Variants in MBD2 observed in about 807,000 individuals in gnomAD.
MBD2 encodes the protein methyl-CpG-binding domain protein 2.
A neutral mutation model predicts 39.3 loss-of-function variants in MBD2; 9 were observed. That is an observed-to-expected ratio of 0.23 (90% CI 0.14 to 0.40). MBD2 has a LOEUF of 0.40. Among genes scored for constraint, MBD2 ranks in the 10% least tolerant of loss-of-function variants. The pLI is 1.00. For synonymous variants in MBD2, 233 were observed against 211.1 expected (o/e 1.10, Z -0.90); for missense variants, 458 against 532.6 (o/e 0.86, Z 1.38).
At position 54,224,636 on chromosome 18, in the gene MBD2, A is replaced by T; in HGVS notation, c.-77T>A. 9.4e-7 allele frequency: 1 copy of T among 1,067,112 alleles called. No individual in the cohort carries two copies. Among genetic ancestry groups the T allele is most frequent in the Non-Finnish European group, 1.2e-6 (1 of 838,778 alleles). 66.1% of individuals were successfully genotyped at this position (1,067,112 alleles called of 1,614,324 possible). ...AATCCCGGAGACCCGCCCCGCCCGC[A>T]GCGCGGCGCGCGGGGGACGCGCGCA... On this transcript the variant is annotated 5_prime_UTR_variant, in exon 1 of 7. Coordinates refer to ENST00000256429, the MANE Select transcript of MBD2 (RefSeq NM_003927.5).
At chr18:54,166,906 C>T (rs1471477651) in intron 3 of MBD2, among the ~76,000 whole-genome samples, 1 of 152,134 alleles carries the variant, frequency 6.6e-6, no homozygotes, top group South Asian at 2.1e-4. Flanking sequence ...ATTTTATATC[C>T]TTTTCATATT....
chr18:54,177,073 C>A (rs987919209), intron 3 of MBD2, among the ~76,000 whole-genome samples: 4 of 152,144 alleles, frequency 2.6e-5, no homozygotes, highest in Admixed American at 6.5e-5. Context: ...CTAAGATGAC[C>A]ATGGAATAAG....
At position 54,219,933 on chromosome 18, in the gene MBD2, T is replaced by G. The variant is rs1015257879; in HGVS notation, c.542+4085A>C. Among the ~76,000 whole-genome samples the G allele has an allele frequency of 2.0e-5, 3 of 152,228 alleles. No homozygotes were observed. The South Asian group carries it at 6.2e-4, about 32-fold the overall frequency. On this transcript the variant is annotated intron_variant, in intron 1 of 6. Coordinates refer to ENST00000256429, the MANE Select transcript of MBD2 (RefSeq NM_003927.5). ...CTCCTGCCTCAGCCTCCCGAGTAGC[T>G]GGGACTACAGGCATCTGCCACCATG...
At chr18:54,189,284 C>A (rs546688206) in intron 2 of MBD2, among the ~76,000 whole-genome samples, 2 of 144,372 alleles carry the variant, frequency 1.4e-5, no homozygotes, top group African/African-American at 5.1e-5. Context: ...AGTGCAGTGG[C>A]GCGATCTAGG....
intron 6 of MBD2, among the ~76,000 whole-genome samples, chr18:54,157,195 A>G (rs2086058368): frequency 6.6e-6 from 1 of 152,182 alleles, no homozygotes; most frequent in Admixed American, 6.5e-5. Flanking sequence ...AAGTATCAAC[A>G]CAGCATCTTC....
intron 1 of MBD2, among the ~76,000 whole-genome samples, chr18:54,211,392 C>CAT (rs1158376004): frequency 2.0e-5 from 3 of 147,416 alleles, no homozygotes; most frequent in South Asian, 2.1e-4. Flanking sequence ...TTGCTATACA[C>CAT]ACACACACAC....
intron 2 of MBD2, among the ~76,000 whole-genome samples, chr18:54,200,876 G>A (rs973716220): frequency 2.6e-5 from 4 of 151,970 alleles, no homozygotes; most frequent in Admixed American, 1.3e-4. Flanking sequence ...TCAGGAGATC[G>A]AGACCATCCT....
intron 2 of MBD2, among the ~76,000 whole-genome samples, chr18:54,200,079 GATCA>G (rs1389361487): frequency 2.0e-5 from 3 of 152,246 alleles, no homozygotes; most frequent in South Asian, 2.1e-4. Context: ...CTTAAACCAA[GATCA>G]TTCATGAGAA....
chr18:54,167,589 G>A (rs1420125258), intron 3 of MBD2, among the ~76,000 whole-genome samples: 1 of 152,214 alleles, frequency 6.6e-6, no homozygotes, highest in East Asian at 1.9e-4. Context: ...TATATGTGAA[G>A]TATCAGATAA....
intron 2 of MBD2, among the ~76,000 whole-genome samples, chr18:54,196,561 A>G (rs992074411): frequency 2.6e-5 from 4 of 152,190 alleles, no homozygotes; most frequent in Admixed American, 2.0e-4. Flanking sequence ...GAACTATGGA[A>G]ATAGTGACAC....
chr18:54,170,475 G>A (rs796699856), intron 3 of MBD2, among the ~76,000 whole-genome samples: 6 of 152,136 alleles, frequency 3.9e-5, no homozygotes, highest in African/African-American at 1.2e-4. Flanking sequence ...TCTGGGAACC[G>A]AGGCTGATAA....
intron 2 of MBD2, among the ~76,000 whole-genome samples, chr18:54,197,392 TC>T (rs1234321646): frequency 2.0e-5 from 3 of 152,212 alleles, no homozygotes; most frequent in Non-Finnish European, 2.9e-5. Flanking sequence ...CTCCCTAAGC[TC>T]CAGCCAACCT....
chr18:54,222,942 C>T (rs1185578972), intron 1 of MBD2, among the ~76,000 whole-genome samples: 1 of 152,232 alleles, frequency 6.6e-6, no homozygotes, highest in Non-Finnish European at 1.5e-5. Context: ...CCCAGAGCTA[C>T]TTGAAGAGGA....
chr18:54,222,029 T>A (rs8089348), intron 1 of MBD2, among the ~76,000 whole-genome samples: 3 of 152,238 alleles, frequency 2.0e-5, no homozygotes, highest in Non-Finnish European at 4.4e-5. Flanking sequence ...CTACTGAGAA[T>A]AGCCTAGTCA....
At chr18:54,207,808 C>T (rs1028664484) in intron 1 of MBD2, among the ~76,000 whole-genome samples, 38 of 151,890 alleles carry the variant, frequency 2.5e-4, no homozygotes, top group African/African-American at 9.2e-4. Context: ...GAGGCCGAGG[C>T]GGGCAGATCA....
At chr18:54,160,401 G>A (rs1276021180) in intron 5 of MBD2, among the ~76,000 whole-genome samples, 1 of 152,090 alleles carries the variant, frequency 6.6e-6, no homozygotes, top group Non-Finnish European at 1.5e-5. Context: ...GGATTCTGAG[G>A]TCTGCAGGCA....
At chr18:54,184,201 G>A (rs1024642333) in intron 3 of MBD2, among the ~76,000 whole-genome samples, 2 of 151,998 alleles carry the variant, frequency 1.3e-5, no homozygotes, top group South Asian at 2.1e-4. Context: ...GGCCACAGAC[G>A]GGTAGCGGTC....
intron 3 of MBD2, among the ~76,000 whole-genome samples, chr18:54,170,569 G>T (rs1029505053): frequency 1.3e-5 from 2 of 152,144 alleles, no homozygotes; most frequent in Non-Finnish European, 2.9e-5. Flanking sequence ...GAACAAAAGA[G>T]ATGGCTTACT....
rs1378801981 is a variant in MBD2, at chr18:54,154,762, T to C, written c.*562A>G. 1 of 152,560 alleles carries C rather than the reference T, an allele frequency of 6.6e-6. No individual in the cohort carries two copies. The highest frequency in any genetic ancestry group is 1.9e-4 in the East Asian group (1 of 5,200). 9.5% of individuals were successfully genotyped at this position (152,560 alleles called of 1,614,324 possible). ...CAAACCTAAGGCCCAGGGATCAGAG[T>C]TGAATGTAAATCAGAGGAAGGCTAA... On this transcript the variant is annotated 3_prime_UTR_variant, in exon 7 of 7. Transcript: ENST00000256429.
Sources: allele counts gnomAD v4.1 joint callset (sites outside exome capture counted in the v4.1 genomes callset), GRCh38; gene constraint gnomAD v4.1.1; transcripts MANE v1.5; gene names NCBI Gene and HGNC (gene_info 2026-07-23, HGNC 2026-07-21).